Variants in PALM2AKAP2 observed in about 807,000 individuals in gnomAD.
PALM2AKAP2 encodes the protein PALM2-AKAP2 fusion protein.
PALM2AKAP2 carries 37 observed loss-of-function variants against 71.5 expected under a neutral mutation model. That is an observed-to-expected ratio of 0.52 (90% CI 0.40 to 0.68). The LOEUF is 0.68. Among genes scored for constraint, PALM2AKAP2 ranks in the 30% least tolerant of loss-of-function variants. PALM2AKAP2 has a pLI of 0.00. For missense variants in PALM2AKAP2, 1,224 were observed against 1,191.8 expected (o/e 1.03, Z -0.40); for synonymous variants, 468 against 478.8 (o/e 0.98, Z 0.29).
chr9:109,789,592 T>A (rs1474529328), intron 1 of PALM2AKAP2, among the ~76,000 whole-genome samples: 2 of 152,186 alleles, frequency 1.3e-5, no homozygotes, highest in African/African-American at 2.4e-5. Context: ...CTCTTGTATA[T>A]CTTAAAACAC....
exon 1 of PALM2AKAP2, chr9:110,048,700 A>G: frequency 6.5e-7 from 1 of 1,544,054 alleles, no homozygotes; most frequent in South Asian, 1.2e-5. Flanking sequence ...CTCCCTGCAG[A>G]TGCGCTGGCC....
At chr9:110,090,366 A>AG (rs1834678031) in intron 1 of PALM2AKAP2, 6 of 456,584 alleles carry the variant, frequency 1.3e-5, no homozygotes, top group Non-Finnish European at 2.2e-5. Context: ...GATATAACTG[A>AG]GGGAAAGTTA....
intron 1 of PALM2AKAP2, among the ~76,000 whole-genome samples, chr9:109,856,583 T>A (rs1234099523): frequency 6.6e-6 from 1 of 152,234 alleles, no homozygotes; most frequent in African/African-American, 2.4e-5. Context: ...GAAGAGAAAG[T>A]CAAATGTTCA....
At chr9:109,820,332 T>C (rs1827963619) in intron 1 of PALM2AKAP2, among the ~76,000 whole-genome samples, 2 of 152,192 alleles carry the variant, frequency 1.3e-5, no homozygotes, top group Admixed American at 1.3e-4. Context: ...CAAAAGAGAA[T>C]TGGAGAGGAA....
intron 1 of PALM2AKAP2, among the ~76,000 whole-genome samples, chr9:109,835,547 C>G (rs1456734319): frequency 6.6e-6 from 1 of 152,062 alleles, no homozygotes; most frequent in Middle Eastern, 3.2e-3. Flanking sequence ...ACAGGGGGTG[C>G]AGCACATTGA....
chr9:109,995,700 A>G (rs1431500957), intron 6 of PALM2AKAP2, among the ~76,000 whole-genome samples: 1 of 152,092 alleles, frequency 6.6e-6, no homozygotes. Context: ...TGACTCAGTT[A>G]CCTCCCACCA....
intron 1 of PALM2AKAP2, among the ~76,000 whole-genome samples, chr9:109,670,799 A>T (rs13300343): frequency 0.37 from 55,514 of 151,958 alleles, 10,410 homozygotes; most frequent in Middle Eastern, 0.51. Context: ...TTGACTATTT[A>T]ATAATAGCCA....
intron 6 of PALM2AKAP2, among the ~76,000 whole-genome samples, chr9:109,971,470 A>G (rs1262621156): frequency 6.6e-6 from 1 of 151,786 alleles, no homozygotes; most frequent in East Asian, 1.9e-4. Flanking sequence ...AGGGTGTCCA[A>G]GCTGGAGTGC....
intron 1 of PALM2AKAP2, among the ~76,000 whole-genome samples, chr9:110,096,685 T>C (rs963115931): frequency 2.0e-5 from 3 of 151,978 alleles, no homozygotes; most frequent in Non-Finnish European, 4.4e-5. Context: ...GTGTGTAAGA[T>C]GTGTCCAAAA....
At chr9:110,048,584 C>T, upstream of PALM2AKAP2, 2 of 1,029,392 alleles carry the variant, frequency 1.9e-6, no homozygotes, top group Non-Finnish European at 2.6e-6. Flanking sequence ...AGGGGCGGTC[C>T]GTGGGCGCTG....
intron 1 of PALM2AKAP2, among the ~76,000 whole-genome samples, chr9:109,701,569 C>T (rs925196411): frequency 2.0e-5 from 3 of 152,182 alleles, no homozygotes; most frequent in African/African-American, 7.2e-5. Flanking sequence ...GGATCCCTTC[C>T]TTACACCTTA....
rs141989292 is a variant in PALM2AKAP2, at chr9:109,807,152, A to G, written c.45+26619A>G. ...ATCTAAGTGGAATGTGAGAGAGAGA[A>G]AAAAAAGTCCAGAATGTGCCAAAGG... is the stretch of plus-strand genomic sequence containing the variant. On this transcript the variant is annotated intron_variant, in intron 1 of 9. Coordinates refer to the PALM2AKAP2 transcript ENST00000302798. Among the ~76,000 whole-genome samples the G allele has an allele frequency of 2.1e-3, 319 of 152,154 alleles. 1 individual carries two copies. The highest frequency in any genetic ancestry group is 7.4e-3 in the African/African-American group (309 of 41,528).
At chr9:109,957,769 A>C (rs1334483278) in intron 6 of PALM2AKAP2, among the ~76,000 whole-genome samples, 1 of 152,202 alleles carries the variant, frequency 6.6e-6, no homozygotes, top group Non-Finnish European at 1.5e-5. Flanking sequence ...CCCCCACTCC[A>C]GAGATCATTA....
At position 109,794,227 on chromosome 9, in the gene PALM2AKAP2, A is replaced by G. The variant is rs184345003; in HGVS notation, c.45+13694A>G. On this transcript the variant is annotated intron_variant, in intron 1 of 9. Coordinates refer to the PALM2AKAP2 transcript ENST00000302798. ...GAATTTTCTCATTATATCCTTTGCTATCTAAGCCAACTGCATGTTGTTGTT... is the reference window on the plus strand; with the variant it reads ...GAATTTTCTCATTATATCCTTTGCTGTCTAAGCCAACTGCATGTTGTTGTT... Among the ~76,000 whole-genome samples the G allele has an allele frequency of 7.2e-5, 11 of 152,238 alleles. No individual in the cohort carries two copies. The East Asian group carries it at 1.5e-3, about 21-fold the overall frequency.
At chr9:109,746,415 G>A (rs926853165) in intron 1 of PALM2AKAP2, among the ~76,000 whole-genome samples, 23 of 152,148 alleles carry the variant, frequency 1.5e-4, no homozygotes, top group African/African-American at 5.6e-4. Flanking sequence ...GGGCACAATA[G>A]GTCCCCAAAT....
intron 1 of PALM2AKAP2, among the ~76,000 whole-genome samples, chr9:109,665,847 C>A (rs1827474459): frequency 1.3e-5 from 2 of 152,232 alleles, no homozygotes; most frequent in African/African-American, 2.4e-5. Flanking sequence ...GGGCTCCACC[C>A]AGTTCGAGCT....
At chr9:109,815,315 G>A (rs1564161381) in intron 1 of PALM2AKAP2, among the ~76,000 whole-genome samples, 1 of 152,152 alleles carries the variant, frequency 6.6e-6, no homozygotes, top group Non-Finnish European at 1.5e-5. Flanking sequence ...TAATACCTTC[G>A]GAATATACAT....
At chr9:110,163,627 G>A (rs768423899) in intron 3 of PALM2AKAP2, among the ~76,000 whole-genome samples, 2 of 152,128 alleles carry the variant, frequency 1.3e-5, no homozygotes, top group Non-Finnish European at 2.9e-5. Flanking sequence ...TTCTATAAGC[G>A]GTAAATCATG....
At chr9:109,763,983 T>C (rs997032562) in intron 1 of PALM2AKAP2, among the ~76,000 whole-genome samples, 8 of 152,162 alleles carry the variant, frequency 5.3e-5, no homozygotes, top group African/African-American at 1.9e-4. Context: ...CTGCAAAGAC[T>C]CTAAGTGAAG....
Sources: allele counts gnomAD v4.1 joint callset (sites outside exome capture counted in the v4.1 genomes callset), GRCh38; gene constraint gnomAD v4.1.1; transcripts MANE v1.5; gene names NCBI Gene and HGNC (gene_info 2026-07-23, HGNC 2026-07-21).